Variants in INTS14 observed in about 807,000 individuals in gnomAD.
INTS14 encodes UPF0464 protein C15orf44.
A neutral mutation model predicts 56.9 loss-of-function variants in INTS14; 27 were observed. The observed-to-expected ratio is 0.47, with a 90% CI of 0.35 to 0.65. The LOEUF (loss-of-function observed/expected upper bound fraction) is 0.65, where lower values mean the gene tolerates loss of function less well. Among genes scored for constraint, INTS14 ranks in the 30% least tolerant of loss-of-function variants. INTS14 has a pLI of 0.00. For synonymous variants in INTS14, 207 were observed against 236.2 expected (o/e 0.88, Z 1.13); for missense variants, 517 against 632.2 (o/e 0.82, Z 1.95).
At chr15:65,583,510 T>C (rs2072703840) in intron 10 of INTS14, among the ~76,000 whole-genome samples, 1 of 152,146 alleles carries the variant, frequency 6.6e-6, no homozygotes, top group Non-Finnish European at 1.5e-5. Flanking sequence ...AGAAAATCAA[T>C]GGTTGCCAGG....
intron 2 of INTS14, 103 bp from the exon 3 acceptor site, chr15:65,605,339 T>A (rs1189487178): frequency 1.2e-6 from 1 of 814,470 alleles, no homozygotes; most frequent in Admixed American, 2.1e-5. Context: ...CAGGGGACAC[T>A]GATGTATCTG....
At chr15:65,584,740 A>T in intron 10 of INTS14, 30 bp downstream of exon 10, 2 of 1,594,460 alleles carry the variant, frequency 1.3e-6, no homozygotes, top group Non-Finnish European at 1.7e-6. Flanking sequence ...TCCTGTCCCC[A>T]GTGGAAAGCA....
chr15:65,580,652 T>C (rs752191323), intron 11 of INTS14, among the ~76,000 whole-genome samples: 11 of 152,230 alleles, frequency 7.2e-5, no homozygotes, highest in African/African-American at 1.2e-4. Context: ...GTAGCATGTA[T>C]CTTCTCTGGT....
chr15:65,603,473 C>A (rs980279622), intron 3 of INTS14, among the ~76,000 whole-genome samples: 2 of 152,086 alleles, frequency 1.3e-5, no homozygotes, highest in African/African-American at 4.8e-5. Context: ...GACTCCCAGG[C>A]AACTACAATC....
chr15:65,590,842 A>G (rs926589101), intron 9 of INTS14, among the ~76,000 whole-genome samples: 1 of 152,220 alleles, frequency 6.6e-6, no homozygotes, highest in Non-Finnish European at 1.5e-5. Context: ...TACAGTTGGA[A>G]CCTGAGTAGC....
rs1490642218 is a variant in INTS14, at chr15:65,581,334, C to T, written c.1305+620G>A. Among the ~76,000 whole-genome samples the T allele has an allele frequency of 2.2e-5, 3 of 137,300 alleles. 1 individual carries two copies. Among genetic ancestry groups the T allele is most frequent in the Non-Finnish European group, 4.7e-5 (3 of 63,456 alleles). The allele number at this position is 137,300 out of a possible 152,430, so 90.1% of individuals were successfully genotyped here. On this transcript the variant is annotated intron_variant, in intron 11 of 11. Coordinates refer to ENST00000313182, the MANE Select transcript of INTS14 (RefSeq NM_001394796.1). ...GGCGGAGGTTGCAGTGAGCTGAGAT[C>T]GTGCTACTGCACTCCAGCCTGGCCG...
At chr15:65,607,073 G>A (rs2073679890) in intron 2 of INTS14, 86 bp downstream of exon 2, 1 of 1,481,656 alleles carries the variant, frequency 6.7e-7, no homozygotes, top group Non-Finnish European at 9.1e-7. Flanking sequence ...TAATGCCAAA[G>A]TTCTAAATAT....
chr15:65,590,734 A>C (rs2072995356), intron 9 of INTS14, among the ~76,000 whole-genome samples: 1 of 152,206 alleles, frequency 6.6e-6, no homozygotes, highest in Admixed American at 6.5e-5. Flanking sequence ...GACTTTGAAC[A>C]ACTCCAGCTA....
At chr15:65,600,057 C>T in intron 3 of INTS14, 128 bp from the exon 4 acceptor site, 1 of 1,072,514 alleles carries the variant, frequency 9.3e-7, no homozygotes, top group Non-Finnish European at 1.3e-6. Context: ...CCTGTAATCC[C>T]AGTGCTTTGG....
chr15:65,607,137 A>G, intron 2 of INTS14, 22 bp downstream of exon 2: 1 of 1,612,110 alleles, frequency 6.2e-7, no homozygotes, highest in Non-Finnish European at 8.5e-7. Context: ...CTGTACATAC[A>G]ATAACTTACT....
chr15:65,599,088 T>C (rs1208131479), intron 4 of INTS14, 98 bp from the exon 5 acceptor site: 1 of 730,400 alleles, frequency 1.4e-6, no homozygotes, highest in East Asian at 2.8e-5. Context: ...ACATAGGCAA[T>C]AAATAACAGA....
At chr15:65,607,499 A>G (rs894253868) in intron 1 of INTS14, 57 bp from the exon 2 acceptor site, 34 of 1,499,534 alleles carry the variant, frequency 2.3e-5, no homozygotes, top group African/African-American at 9.8e-5. Context: ...ATTTTTCACC[A>G]TAACTTTAAC....
At chr15:65,602,894 A>G (rs910498654) in intron 3 of INTS14, among the ~76,000 whole-genome samples, 5 of 152,172 alleles carry the variant, frequency 3.3e-5, no homozygotes, top group African/African-American at 9.7e-5. Flanking sequence ...CGTTGTCTCA[A>G]ATTCAGATTC....
intron 9 of INTS14, among the ~76,000 whole-genome samples, chr15:65,587,620 G>T (rs2072874826): frequency 6.6e-6 from 1 of 152,234 alleles, no homozygotes; most frequent in East Asian, 1.9e-4. Context: ...GTGTAGGTGG[G>T]TGGGAGATGG....
intron 9 of INTS14, among the ~76,000 whole-genome samples, chr15:65,587,597 A>T (rs2072873879): frequency 6.6e-6 from 1 of 152,154 alleles, no homozygotes; most frequent in Non-Finnish European, 1.5e-5. Context: ...GTAGGAGGGG[A>T]AATGTGCGTC....
At chr15:65,610,647 TCTCAAAGC>T (rs753728021) in intron 1 of INTS14, 16 of 1,528,682 alleles carry the variant, frequency 1.0e-5, no homozygotes, top group Non-Finnish European at 1.3e-5. Context: ...GCAGTCTCGC[TCTCAAAGC>T]AGGATTCTAC....
chr15:65,606,252 C>CA (rs372473798), intron 2 of INTS14, among the ~76,000 whole-genome samples: 1,214 of 61,758 alleles, frequency 0.02, 21 homozygotes, highest in Middle Eastern at 0.043. Context: ...GACTCCGTCT[C>CA]AAAAAAAAAA....
At chr15:65,605,915 T>G (rs2073626785) in intron 2 of INTS14, among the ~76,000 whole-genome samples, 1 of 152,198 alleles carries the variant, frequency 6.6e-6, no homozygotes. Context: ...AAAAAAAATT[T>G]TTTAAGTCAC....
Position 65,593,506 on chromosome 15 carries a change from G to T in INTS14, c.908C>A (p.Ala303Glu). ...GACACAAAAGTTGGGTATTTTGCCT[G>T]CAATCTGATTGGCTGAATTTTCATC... ...NEDENSANQI[A>E]GKIPNFCVLL... Residue 303 changes from alanine to glutamate, a missense_variant, in exon 8 of 12, where the codon GCA becomes GAA. Transcript: ENST00000313182. 6.2e-6 allele frequency: 10 copies of T among 1,613,818 alleles called. No homozygotes were observed. Among genetic ancestry groups the T allele is most frequent in the Non-Finnish European group, 8.5e-6 (10 of 1,179,914 alleles).
Sources: gnomAD v4.1 joint callset for allele counts (sites outside exome capture counted in the v4.1 genomes callset) on GRCh38, gnomAD v4.1.1 for gene constraint, MANE v1.5 for transcripts, NCBI Gene and HGNC (gene_info 2026-07-23, HGNC 2026-07-21) for gene names.